The following SDK1 variants were observed in gnomAD, a reference collection of about 807,000 sequenced individuals.
The protein encoded by SDK1 is protein sidekick-1.
Under a neutral mutation model 245.5 loss-of-function variants are expected in SDK1, and 157 were observed. The observed-to-expected ratio is 0.64, with a 90% CI of 0.56 to 0.73. The LOEUF (loss-of-function observed/expected upper bound fraction) is 0.73, where lower values mean the gene tolerates loss of function less well. SDK1 is among the 30% of genes least tolerant of loss of function. SDK1 has a pLI of 0.00. For synonymous variants in SDK1, 1,647 were observed against 1,278.5 expected, an observed-to-expected ratio of 1.29 and a Z score of -6.15; for missense variants, 3,583 against 3,002.3, an observed-to-expected ratio of 1.19 and a Z score of -4.52.
intron 21 of SDK1, among the ~76,000 whole-genome samples, chr7:4,077,554 C>T (rs923922561): frequency 6.6e-6 from 1 of 152,156 alleles, no homozygotes; most frequent in Non-Finnish European, 1.5e-5. Context: ...TAAAGACATA[C>T]CCGAGACTGG....
chr7:3,509,096 G>GTGTA (rs1002112403), intron 1 of SDK1, among the ~76,000 whole-genome samples: 11 of 151,916 alleles, frequency 7.2e-5, no homozygotes, highest in African/African-American at 1.7e-4. Context: ...GTGTGTGTGT[G>GTGTA]TGTATGTATG....
intron 1 of SDK1, among the ~76,000 whole-genome samples, chr7:3,482,124 A>G (rs572567166): frequency 6.6e-6 from 1 of 152,366 alleles, no homozygotes; most frequent in African/African-American, 2.4e-5. Context: ...TAGGAATAAA[A>G]TAGGGTAATA....
chr7:4,060,311 G>C (rs1779456580), intron 19 of SDK1, among the ~76,000 whole-genome samples: 1 of 152,168 alleles, frequency 6.6e-6, no homozygotes, highest in South Asian at 2.1e-4. Flanking sequence ...AAACAATCTA[G>C]TGATACACCT....
chr7:4,008,684 G>A (rs1370936508), intron 14 of SDK1, among the ~76,000 whole-genome samples: 1 of 152,188 alleles, frequency 6.6e-6, no homozygotes, highest in African/African-American at 2.4e-5. Flanking sequence ...TGGTACTGTG[G>A]CATGCCTGGG....
intron 5 of SDK1, among the ~76,000 whole-genome samples, chr7:3,830,733 A>T (rs1779893354): frequency 6.6e-6 from 1 of 152,142 alleles, no homozygotes. Context: ...TCGGGCTCAA[A>T]CAGTCGTCCT....
intron 4 of SDK1, among the ~76,000 whole-genome samples, chr7:3,722,471 C>T (rs1244585997): frequency 3.3e-5 from 5 of 152,252 alleles, no homozygotes; most frequent in Admixed American, 1.3e-4. Flanking sequence ...GCACTCACCG[C>T]AGGGGACACC....
intron 1 of SDK1, among the ~76,000 whole-genome samples, chr7:3,611,880 A>G (rs983186226): frequency 3.3e-4 from 50 of 152,166 alleles, no homozygotes; most frequent in Admixed American, 2.0e-4. Context: ...TGGTGGTGAG[A>G]ATGTAAATTA....
chr7:3,965,149 T>A (rs1781993086), intron 9 of SDK1, among the ~76,000 whole-genome samples: 2 of 152,202 alleles, frequency 1.3e-5, no homozygotes, highest in South Asian at 4.1e-4. Flanking sequence ...GCCACAGTTC[T>A]CAGCACATGC....
In SDK1 at chr7:3,969,354, C is replaced by T. The variant is rs367922108; in HGVS notation, c.1644C>T (p.Ala548=). The T allele has an allele frequency of 6.7e-5, 108 of 1,611,436 alleles. No individual in the cohort carries two copies. Among genetic ancestry groups the T allele is most frequent in the Admixed American group, 1.7e-4 (10 of 59,596 alleles). The change falls in exon 11 of 45, where the codon GCC becomes GCT. Residue 548 remains alanine, a synonymous_variant. Transcript: ENST00000404826. ...TCGCGCCCGTCTTCATCCAGGATGCCGGCAACTACACCTGCTATGCGGCCA... is the reference window on the plus strand; with the variant it reads ...TCGCGCCCGTCTTCATCCAGGATGCTGGCAACTACACCTGCTATGCGGCCA... ...LQIAPVFIQD[A]GNYTCYAANT... is the part of the protein sequence containing the mutation.
intron 5 of SDK1, among the ~76,000 whole-genome samples, chr7:3,858,717 T>A (rs1388354119): frequency 6.6e-6 from 1 of 151,602 alleles, no homozygotes; most frequent in Non-Finnish European, 1.5e-5. Context: ...AAGGAAGAAT[T>A]TCCCTATCAG....
At chr7:3,831,957 A>G (rs76193425) in intron 5 of SDK1, among the ~76,000 whole-genome samples, 3,690 of 152,172 alleles carry the variant, frequency 0.024, 170 homozygotes, top group African/African-American at 0.085. Context: ...AGGGTGAGGT[A>G]GGAGGATCAC....
chr7:3,634,939 A>G (rs1361592347), intron 2 of SDK1, among the ~76,000 whole-genome samples: 1 of 152,260 alleles, frequency 6.6e-6, no homozygotes, highest in East Asian at 1.9e-4. Context: ...GAAAAAGTAG[A>G]ATGAGCAATC....
In SDK1 at chr7:4,129,955, C is replaced by A; in HGVS notation, c.3987C>A (p.Ile1329=). ...KDLDPEPRSH[I]VRGNHTQSAL... is the part of the protein sequence containing the mutation. ...TGGATCCCGAGCCCAGGAGCCACAT[C>A]GTGCGAGGGAACCACACGCAGTCGG... Residue 1329 remains isoleucine, a synonymous_variant, in exon 27 of 45, where the codon ATC becomes ATA. Coordinates refer to ENST00000404826, the MANE Select transcript of SDK1 (RefSeq NM_152744.4). The A allele has an allele frequency of 1.2e-6, 2 of 1,613,818 alleles. No individual in the cohort carries two copies. Among genetic ancestry groups the A allele is most frequent in the Non-Finnish European group, 1.7e-6 (2 of 1,179,958 alleles).
At chr7:3,386,343 T>C (rs1781609441) in intron 1 of SDK1, among the ~76,000 whole-genome samples, 1 of 152,340 alleles carries the variant, frequency 6.6e-6, no homozygotes, top group South Asian at 2.1e-4. Context: ...CTGAATATTT[T>C]ATGTAAAACA....
At chr7:4,044,330 TA>T (rs1430296761) in intron 17 of SDK1, among the ~76,000 whole-genome samples, 1 of 152,214 alleles carries the variant, frequency 6.6e-6, no homozygotes, top group African/African-American at 2.4e-5. Context: ...GCTGCTAGTT[TA>T]TTAGGACCTG....
chr7:4,166,559 C>A (rs992305032), intron 32 of SDK1, among the ~76,000 whole-genome samples: 1 of 152,168 alleles, frequency 6.6e-6, no homozygotes, highest in Non-Finnish European at 1.5e-5. Context: ...TTGTGTCTCA[C>A]GGGTATTGCG....
chr7:3,459,994 G>C (rs10228744), intron 1 of SDK1, among the ~76,000 whole-genome samples: 31,550 of 152,150 alleles, frequency 0.21, 4,104 homozygotes, highest in Middle Eastern at 0.33. Context: ...TATTGGTCTT[G>C]CTTTTGCCAA....
intron 1 of SDK1, among the ~76,000 whole-genome samples, chr7:3,426,572 A>G (rs1353703955): frequency 6.6e-6 from 1 of 152,244 alleles, no homozygotes; most frequent in African/African-American, 2.4e-5. Flanking sequence ...AGCACGTTGC[A>G]TCCAACAAGT....
intron 5 of SDK1, among the ~76,000 whole-genome samples, chr7:3,855,274 TG>T (rs1780517266): frequency 1.3e-5 from 2 of 150,576 alleles, no homozygotes; most frequent in African/African-American, 4.9e-5. Flanking sequence ...ACTAGACAGC[TG>T]GGGAATGACA....
Sources: allele counts gnomAD v4.1 joint callset (sites outside exome capture counted in the v4.1 genomes callset), GRCh38; gene constraint gnomAD v4.1.1; transcripts MANE v1.5; gene names NCBI Gene and HGNC (gene_info 2026-07-23, HGNC 2026-07-21).